Variants in COA8 observed in about 807,000 individuals in gnomAD.
COA8 encodes the protein UPF0671 protein C14orf153.
A neutral mutation model predicts 22.0 loss-of-function variants in COA8; 20 were observed. That is an observed-to-expected ratio of 0.91 (90% CI 0.64 to 1.32). COA8 has a LOEUF of 1.32. COA8 is among the 40% of genes most tolerant of loss of function. COA8 has a pLI of 0.00. For synonymous variants in COA8, 105 were observed against 79.9 expected, an observed-to-expected ratio of 1.31 and a Z score of -1.68; for missense variants, 266 against 230.0, an observed-to-expected ratio of 1.16 and a Z score of -1.01.
At chr14:103,587,953 T>A (rs2076321747) in intron 4 of COA8, 1 of 165,688 alleles carries the variant, frequency 6.0e-6, no homozygotes, top group Admixed American at 6.4e-5. Context: ...AAGACCAGCC[T>A]GACCAACATG....
At chr14:103,574,408 C>T in intron 3 of COA8, 1 of 659,844 alleles carries the variant, frequency 1.5e-6, no homozygotes, top group Non-Finnish European at 2.8e-6. Flanking sequence ...GATGGATGAC[C>T]AACCTCTGAC....
intron 3 of COA8, among the ~76,000 whole-genome samples, chr14:103,587,060 A>G (rs1417062546): frequency 1.3e-5 from 2 of 152,024 alleles, no homozygotes; most frequent in Non-Finnish European, 2.9e-5. Flanking sequence ...TTTATTCCTA[A>G]GTCTTTTATT....
At position 103,581,899 on chromosome 14, in the gene COA8, G is replaced by C. The variant is rs1003769776; in HGVS notation, c.386-5375G>C. Among the ~76,000 whole-genome samples the C allele has an allele frequency of 4.6e-5, 7 of 152,196 alleles. No homozygotes were observed. The highest frequency in any genetic ancestry group is 4.6e-4 in the Admixed American group (7 of 15,282). On this transcript the variant is annotated intron_variant, in intron 3 of 4. Transcript: ENST00000409074. The surrounding 1 kb of genome is among the most constrained non-coding windows in gnomAD (Gnocchi z 4.1). ...TTGTTTCTGTCTGTGGGAATAAAGG[G>C]GTTGCCAGACACCCTCCCTGCTCTG... is the stretch of plus-strand genomic sequence containing the variant.
Position 103,590,182 on chromosome 14 carries a change from G to T in COA8, c.478G>T (p.Asp160Tyr). Residue 160 changes from aspartate (D) to tyrosine (Y), a missense_variant and splice_region_variant, in exon 5 of 5, where the codon GAT becomes TAT. By Grantham distance (160) the Asp-to-Tyr change is radical (BLOSUM62 -3). Coordinates refer to ENST00000409074, the MANE Select transcript of COA8 (RefSeq NM_001370595.2). ...TGTGCATCCTCTGTTTCTCTACAGA[G>T]ATTGGTACAAGCGCAATTTTGCCAT... is the stretch of plus-strand genomic sequence containing the variant. ...NFQKHMYYNR[D>Y]WYKRNFAITF... 1.2e-6 allele frequency: 2 copies of T among 1,613,920 alleles called. 1 individual carries two copies. Among genetic ancestry groups the T allele is most frequent in the South Asian group, 2.2e-5 (2 of 91,076 alleles).
intron 1 of COA8, among the ~76,000 whole-genome samples, chr14:103,566,368 C>T (rs1347667536): frequency 6.6e-6 from 1 of 152,040 alleles, no homozygotes; most frequent in African/African-American, 2.4e-5. Context: ...TGCAGTGAGC[C>T]GAGATCGCGC....
chr14:103,564,470 T>C (rs2076119269), intron 1 of COA8, among the ~76,000 whole-genome samples: 1 of 151,870 alleles, frequency 6.6e-6, no homozygotes, highest in African/African-American at 2.4e-5. Flanking sequence ...AACCAAGACA[T>C]TTCCCGGGCG....
At chr14:103,573,319 G>A (rs865824606) in intron 2 of COA8, among the ~76,000 whole-genome samples, 5 of 150,180 alleles carry the variant, frequency 3.3e-5, no homozygotes, top group Admixed American at 2.7e-4. Context: ...ACAGGCGCCC[G>A]CCACCACACC....
At chr14:103,565,777 G>A (rs912889632) in intron 1 of COA8, among the ~76,000 whole-genome samples, 7 of 151,726 alleles carry the variant, frequency 4.6e-5, no homozygotes, top group Non-Finnish European at 8.8e-5. Context: ...CACCATGCCC[G>A]GCTAATTTTT....
Position 103,590,468 on chromosome 14 carries a change from G to A in COA8, c.*182G>A, listed in dbSNP as rs2076343308. 2 of 577,496 alleles carry A rather than the reference G, an allele frequency of 3.5e-6. No homozygotes were observed. The highest frequency in any genetic ancestry group is 2.1e-5 in the South Asian group (1 of 47,710). 35.8% of individuals were successfully genotyped at this position (577,496 alleles called of 1,614,324 possible). On this transcript the variant is annotated 3_prime_UTR_variant, in exon 5 of 5. Transcript: ENST00000409074. ...CACTGTGGGCCGCCTGCCTGCTGAT[G>A]TGGGCTCTAGGCCAGCTTGTTGTCA...
intron 3 of COA8, chr14:103,574,735 C>T: frequency 3.6e-6 from 1 of 274,874 alleles, no homozygotes; most frequent in Non-Finnish European, 7.1e-6. Flanking sequence ...CACCCCCATG[C>T]CAGGACCTCT....
At chr14:103,563,816 G>A (rs1029640591) in intron 1 of COA8, among the ~76,000 whole-genome samples, 1 of 152,138 alleles carries the variant, frequency 6.6e-6, no homozygotes, top group Non-Finnish European at 1.5e-5. Context: ...AATGAAGGAG[G>A]CTGGAAAACT....
intron 1 of COA8, among the ~76,000 whole-genome samples, chr14:103,570,929 C>T (rs912755868): frequency 6.6e-6 from 1 of 152,164 alleles, no homozygotes; most frequent in African/African-American, 2.4e-5. Flanking sequence ...GACTCATCCT[C>T]CTGCATGCCG....
At position 103,590,890 on chromosome 14, in the gene COA8, GAAA is replaced by G. The variant is rs2076347998; in HGVS notation, c.*608_*610del. The G allele has an allele frequency of 6.6e-6, 1 of 152,124 alleles. No individual in the cohort carries two copies. The highest frequency in any genetic ancestry group is 6.6e-5 in the Admixed American group (1 of 15,256). The allele number at this position is 152,124 out of a possible 1,614,324, so 9.4% of individuals were successfully genotyped here. ...AATAATAATTAATAAAGTTTTACTGGAAAAAAGAAGTCTGCTGACGGGAATGAT... is the reference window on the plus strand; with the variant it reads ...AATAATAATTAATAAAGTTTTACTGGAAAGAAGTCTGCTGACGGGAATGAT... On this transcript the variant is annotated 3_prime_UTR_variant, in exon 5 of 5. Coordinates refer to ENST00000409074, the MANE Select transcript of COA8 (RefSeq NM_001370595.2).
chr14:103,564,479 C>CG (rs928510298), intron 1 of COA8, among the ~76,000 whole-genome samples: 43 of 145,802 alleles, frequency 2.9e-4, no homozygotes, highest in African/African-American at 8.6e-4. Flanking sequence ...ATTTCCCGGG[C>CG]GGGGGGGATT....
intron 3 of COA8, among the ~76,000 whole-genome samples, chr14:103,585,456 G>T (rs1258024208): frequency 2.1e-5 from 3 of 142,440 alleles, no homozygotes; most frequent in Non-Finnish European, 1.5e-5. Flanking sequence ...TCCAGCCTGG[G>T]CAACAAAAGC....
chr14:103,573,984 T>C, intron 2 of COA8, 123 bp from the exon 3 acceptor site: 1 of 1,265,014 alleles, frequency 7.9e-7, no homozygotes, highest in Non-Finnish European at 1.1e-6. Flanking sequence ...GTCACTAGCT[T>C]CTCAGAAAAT....
intron 3 of COA8, among the ~76,000 whole-genome samples, chr14:103,577,339 G>A (rs947328512): frequency 1.3e-5 from 2 of 151,948 alleles, no homozygotes; most frequent in Non-Finnish European, 2.9e-5. Flanking sequence ...GTCTCCCAAA[G>A]TGGTGGGATT....
Position 103,574,641 on chromosome 14 carries a change from A to C in COA8, c.385+471A>C, listed in dbSNP as rs116585631. On this transcript the variant is annotated intron_variant, in intron 3 of 4. Coordinates refer to ENST00000409074, the MANE Select transcript of COA8 (RefSeq NM_001370595.2). Reference sequence around the variant, plus strand: ...CCAAAATCATCGACCCCAAAAGCCAAGTCTGTCATTGGGCTAAAGTGCCAT... The same window carrying C: ...CCAAAATCATCGACCCCAAAAGCCACGTCTGTCATTGGGCTAAAGTGCCAT... 5.1e-3 allele frequency: 1,821 copies of C among 353,996 alleles called. 35 individuals are homozygous for C. The highest frequency in any genetic ancestry group is 0.037 in the African/African-American group (1,712 of 46,566). 21.9% of individuals were successfully genotyped at this position (353,996 alleles called of 1,614,324 possible).
At chr14:103,588,156 T>C (rs548034617) in intron 4 of COA8, 1 of 341,684 alleles carries the variant, frequency 2.9e-6, no homozygotes, top group East Asian at 4.2e-5. Flanking sequence ...TTTAGCTGGT[T>C]ACAGATAATA....
Sources: allele counts gnomAD v4.1 joint callset (sites outside exome capture counted in the v4.1 genomes callset), GRCh38; gene constraint gnomAD v4.1.1; non-coding constraint Gnocchi (gnomAD v3.1); transcripts MANE v1.5; gene names NCBI Gene and HGNC (gene_info 2026-07-23, HGNC 2026-07-21).